Variants in PRKG1 observed in about 807,000 individuals in gnomAD.
PRKG1 encodes the protein protein kinase cGMP-dependent 1.
PRKG1 carries 35 observed loss-of-function variants against 88.1 expected under a neutral mutation model. The observed-to-expected ratio is 0.40, with a 90% confidence interval of 0.30 to 0.53. The LOEUF (loss-of-function observed/expected upper bound fraction) is 0.53, where lower values mean the gene tolerates loss of function less well. PRKG1 is among the 20% of genes least tolerant of loss of function. The pLI, the probability that PRKG1 is intolerant of heterozygous loss-of-function variation, is 0.59. For synonymous variants in PRKG1, 303 were observed against 292.5 expected (o/e 1.04, Z -0.37); for missense variants, 540 against 839.8 (o/e 0.64, Z 4.41).
In PRKG1 at chr10:51,196,764, CAT is replaced by C. The variant is rs370904662; in HGVS notation, c.478+43435_478+43436del. On this transcript the variant is annotated intron_variant, in intron 2 of 17. Coordinates refer to ENST00000373980, the MANE Select transcript of PRKG1 (RefSeq NM_006258.4). ...AGATGGTAAATATTTGAGTTATAAACATGTGTATATTTTTTGTACTCTTAAAC... is the reference window on the plus strand; with the variant it reads ...AGATGGTAAATATTTGAGTTATAAACGTGTATATTTTTTGTACTCTTAAAC... Among the ~76,000 whole-genome samples the C allele has an allele frequency of 5.2e-3, 787 of 152,186 alleles. 7 individuals are homozygous for C. Among genetic ancestry groups the C allele is most frequent in the African/African-American group, 0.017 (716 of 41,510 alleles).
chr10:52,286,017 T>C (rs868108933), intron 14 of PRKG1, among the ~76,000 whole-genome samples: 1 of 152,070 alleles, frequency 6.6e-6, no homozygotes, highest in African/African-American at 2.4e-5. Flanking sequence ...AAAACATCTT[T>C]AATTACATAA....
intron 3 of PRKG1, among the ~76,000 whole-genome samples, chr10:51,539,953 A>C (rs1842259792): frequency 6.6e-6 from 1 of 152,192 alleles, no homozygotes; most frequent in African/African-American, 2.4e-5. Flanking sequence ...TTTTGCCTTC[A>C]CTAAAATTGC....
chr10:52,087,395 T>C (rs1401713399), intron 7 of PRKG1, among the ~76,000 whole-genome samples: 1 of 152,196 alleles, frequency 6.6e-6, no homozygotes, highest in African/African-American at 2.4e-5. Context: ...TAAGGTTTCT[T>C]ATCTATTAGA....
At chr10:51,832,690 A>C (rs1052354999) in intron 4 of PRKG1, among the ~76,000 whole-genome samples, 1 of 152,162 alleles carries the variant, frequency 6.6e-6, no homozygotes, top group African/African-American at 2.4e-5. Flanking sequence ...AGAACATCAC[A>C]AAATATAGCT....
At chr10:51,094,159 G>C (rs1021539011) in intron 1 of PRKG1, among the ~76,000 whole-genome samples, 1 of 151,812 alleles carries the variant, frequency 6.6e-6, no homozygotes, top group Non-Finnish European at 1.5e-5. Flanking sequence ...TATGTAAAGA[G>C]ACTAGCATAG....
At chr10:51,092,260 G>A (rs564420949) in intron 1 of PRKG1, among the ~76,000 whole-genome samples, 1 of 152,266 alleles carries the variant, frequency 6.6e-6, no homozygotes, top group South Asian at 2.1e-4. Flanking sequence ...AACTTTACGG[G>A]CTTAGAGAGA....
At chr10:51,921,125 C>T (rs1456694913) in intron 5 of PRKG1, among the ~76,000 whole-genome samples, 3 of 152,036 alleles carry the variant, frequency 2.0e-5, no homozygotes, top group Non-Finnish European at 4.4e-5. Flanking sequence ...CCTAAAAATC[C>T]TCTTCCACCT....
chr10:51,529,859 G>T (rs1042623722), intron 3 of PRKG1, among the ~76,000 whole-genome samples: 2 of 152,188 alleles, frequency 1.3e-5, no homozygotes, highest in African/African-American at 2.4e-5. Flanking sequence ...GATGGTTATT[G>T]TAGCGGAGTT....
At chr10:52,052,606 ACAATCATG>A (rs1475441943) in intron 5 of PRKG1, among the ~76,000 whole-genome samples, 1 of 152,050 alleles carries the variant, frequency 6.6e-6, no homozygotes. Flanking sequence ...GGGAGGCCTC[ACAATCATG>A]GCAGAAGGCA....
At chr10:52,134,370 T>A (rs1837346978) in intron 8 of PRKG1, among the ~76,000 whole-genome samples, 1 of 152,132 alleles carries the variant, frequency 6.6e-6, no homozygotes, top group East Asian at 1.9e-4. Context: ...AATAGAAGCA[T>A]TTAGGGAAGA....
At chr10:51,560,273 G>A (rs961216981) in intron 3 of PRKG1, among the ~76,000 whole-genome samples, 4 of 152,114 alleles carry the variant, frequency 2.6e-5, no homozygotes, top group African/African-American at 9.7e-5. Context: ...TGGGATGTAT[G>A]AGATTTATAA....
chr10:51,409,330 A>T (rs1184465265), intron 2 of PRKG1, among the ~76,000 whole-genome samples: 1 of 152,110 alleles, frequency 6.6e-6, no homozygotes, highest in Non-Finnish European at 1.5e-5. Context: ...GACCATGGGC[A>T]TTTGAGCAAC....
chr10:51,613,572 T>C (rs1455996949), intron 3 of PRKG1, among the ~76,000 whole-genome samples: 5 of 151,930 alleles, frequency 3.3e-5, no homozygotes, highest in African/African-American at 1.2e-4. Context: ...TTTGGTTTGT[T>C]CTTGCTTTTC....
chr10:51,218,950 C>T (rs185172298), intron 2 of PRKG1, among the ~76,000 whole-genome samples: 1 of 152,220 alleles, frequency 6.6e-6, no homozygotes, highest in East Asian at 1.9e-4. Flanking sequence ...ACTTTGTAGT[C>T]ACTTTACCTT....
rs186407697 is a variant in PRKG1 at position 51,267,920 on chromosome 10, G to A, written c.478+114590G>A. On this transcript the variant is annotated intron_variant, in intron 2 of 17. Coordinates refer to ENST00000373980, the MANE Select transcript of PRKG1 (RefSeq NM_006258.4). ...CAAACGACTAACATCCAGAATTATC[G>A]GGGGAAATTCAGCCAGATATCGGGC... is the stretch of plus-strand genomic sequence containing the variant. 4.2e-3 allele frequency among the ~76,000 whole-genome samples: 637 copies of A among 152,204 alleles called. 3 individuals carry two copies. The highest frequency in any genetic ancestry group is 6.8e-3 in the Non-Finnish European group (463 of 68,016).
chr10:52,282,263 T>G lies in PRKG1; in HGVS notation c.1656T>G (p.Ile552Met). ...TCATCCTGAACAAAGGCCATGACATTTCAGCCGACTACTGGTCACTGGGAA... is the reference window on the plus strand; with the variant it reads ...TCATCCTGAACAAAGGCCATGACATGTCAGCCGACTACTGGTCACTGGGAA... ...PEIILNKGHDISADYWSLGIL... is the reference protein window; with the variant it reads ...PEIILNKGHDMSADYWSLGIL... The change falls in exon 14 of 18, where the codon ATT (isoleucine) becomes ATG (methionine). Residue 552 changes from isoleucine (I) to methionine (M), a missense_variant. Transcript: ENST00000373980. 1 of 1,610,738 alleles carries G rather than the reference T, an allele frequency of 6.2e-7. No homozygotes were observed. Among genetic ancestry groups the G allele is most frequent in the South Asian group, 1.1e-5 (1 of 90,682 alleles).
intron 7 of PRKG1, among the ~76,000 whole-genome samples, chr10:52,095,132 C>G (rs948401600): frequency 6.6e-6 from 1 of 152,182 alleles, no homozygotes; most frequent in African/African-American, 2.4e-5. Context: ...CTTCTCCCCT[C>G]TATAGCCACA....
chr10:51,203,695 C>T (rs370237710), intron 2 of PRKG1, among the ~76,000 whole-genome samples: 2 of 152,272 alleles, frequency 1.3e-5, no homozygotes, highest in East Asian at 3.9e-4. Context: ...GCTCTCTAGG[C>T]CTCAGTTTTC....
chr10:52,229,248 C>G (rs1187650454), intron 9 of PRKG1, among the ~76,000 whole-genome samples: 1 of 152,140 alleles, frequency 6.6e-6, no homozygotes, highest in Non-Finnish European at 1.5e-5. Flanking sequence ...AAAGAGTATT[C>G]AAAATGATTT....
Sources: gnomAD v4.1 joint callset for allele counts (sites outside exome capture counted in the v4.1 genomes callset) on GRCh38, gnomAD v4.1.1 for gene constraint, MANE v1.5 for transcripts, NCBI Gene and HGNC (gene_info 2026-07-23, HGNC 2026-07-21) for gene names.